Variants in SLC30A9 observed in about 807,000 individuals in gnomAD.
SLC30A9 encodes proton-coupled zinc antiporter SLC30A9, mitochondrial.
SLC30A9 carries 58 observed loss-of-function variants against 87.5 expected under a neutral mutation model. That is an observed-to-expected ratio of 0.66 (90% CI 0.54 to 0.82). The LOEUF (loss-of-function observed/expected upper bound fraction) is 0.82, where lower values mean the gene tolerates loss of function less well. Among genes scored for constraint, SLC30A9 ranks in the 40% least tolerant of loss-of-function variants. The pLI is 0.00. For missense variants in SLC30A9, 557 were observed against 679.1 expected (o/e 0.82, Z 2.00); for synonymous variants, 234 against 233.0 (o/e 1.00, Z -0.04).
intron 17 of SLC30A9, among the ~76,000 whole-genome samples, chr4:42,085,496 T>C (rs7682975): frequency 2.0e-5 from 3 of 151,910 alleles, no homozygotes; most frequent in African/African-American, 7.2e-5. Context: ...ATACATGTGC[T>C]CATGTAACAC....
chr4:42,054,590 A>C (rs1717526202), intron 9 of SLC30A9, among the ~76,000 whole-genome samples: 1 of 151,100 alleles, frequency 6.6e-6, no homozygotes, highest in Non-Finnish European at 1.5e-5. Flanking sequence ...TCCCAGGTTC[A>C]CACCATTCTC....
At chr4:42,058,346 T>C (rs1196245418) in intron 9 of SLC30A9, among the ~76,000 whole-genome samples, 1 of 152,196 alleles carries the variant, frequency 6.6e-6, no homozygotes, top group Non-Finnish European at 1.5e-5. Context: ...CAGCCTGGAC[T>C]TTATTGTCCG....
At chr4:42,001,332 G>C (rs1714974737) in intron 1 of SLC30A9, among the ~76,000 whole-genome samples, 1 of 151,904 alleles carries the variant, frequency 6.6e-6, no homozygotes, top group African/African-American at 2.4e-5. Flanking sequence ...CATTTTTTTA[G>C]CTTGCAACCA....
chr4:41,993,154 T>C (rs1714527984), intron 1 of SLC30A9, among the ~76,000 whole-genome samples: 1 of 150,710 alleles, frequency 6.6e-6, no homozygotes, highest in South Asian at 2.1e-4. Flanking sequence ...TAGAATTAAT[T>C]TTAATAACGA....
chr4:42,081,906 C>T (rs576155009), intron 17 of SLC30A9, among the ~76,000 whole-genome samples: 68 of 152,170 alleles, frequency 4.5e-4, no homozygotes, highest in African/African-American at 1.5e-3. Flanking sequence ...CAGGTGGAAA[C>T]GTCTTTGGCT....
chr4:42,045,618 T>G (rs953705776), intron 8 of SLC30A9, among the ~76,000 whole-genome samples: 1 of 149,246 alleles, frequency 6.7e-6, no homozygotes, highest in Non-Finnish European at 1.5e-5. Context: ...ACTAGACGGA[T>G]TCACAGCCAA....
In SLC30A9 at chr4:42,049,502, T is replaced by A. The variant is rs535587260; in HGVS notation, c.840+23T>A. ...CAGGTGAGGACTAAAGCTTTTTTTA[T>A]AAGTCAATTTTAAAGTAATAGTTGT... On this transcript the variant is annotated intron_variant, in intron 9 of 17. Transcript: ENST00000264451. 4 of 1,289,996 alleles carry A rather than the reference T, an allele frequency of 3.1e-6. No individual in the cohort carries two copies. In the South Asian group the frequency reaches 5.7e-5, roughly 19 times the overall value. The allele number at this position is 1,289,996 out of a possible 1,614,324, so 79.9% of individuals were successfully genotyped here.
At chr4:42,021,284 G>C (rs537288624) in intron 4 of SLC30A9, among the ~76,000 whole-genome samples, 37 of 152,296 alleles carry the variant, frequency 2.4e-4, no homozygotes, top group African/African-American at 8.7e-4. Flanking sequence ...CATAATACAA[G>C]ATGTTAGTGA....
At chr4:41,993,286 ACT>A (rs1420132142) in intron 1 of SLC30A9, among the ~76,000 whole-genome samples, 3 of 152,110 alleles carry the variant, frequency 2.0e-5, no homozygotes, top group Non-Finnish European at 4.4e-5. Context: ...ATCTTTTTGT[ACT>A]GTCTTTAAAA....
At chr4:42,044,436 A>T (rs933549918) in intron 8 of SLC30A9, among the ~76,000 whole-genome samples, 6 of 151,940 alleles carry the variant, frequency 3.9e-5, no homozygotes, top group Admixed American at 6.6e-5. Flanking sequence ...CTGACAAAAA[A>T]GATTTTAAAC....
intron 3 of SLC30A9, among the ~76,000 whole-genome samples, chr4:42,019,637 A>G (rs1006155629): frequency 6.6e-6 from 1 of 152,208 alleles, no homozygotes; most frequent in Non-Finnish European, 1.5e-5. Flanking sequence ...CAACTAGTAT[A>G]CACATAGATT....
At chr4:42,049,125 C>A (rs1429188603) in intron 8 of SLC30A9, among the ~76,000 whole-genome samples, 1 of 152,038 alleles carries the variant, frequency 6.6e-6, no homozygotes, top group Admixed American at 6.6e-5. Context: ...CCACACCAGA[C>A]TAAGTTTTTA....
intron 1 of SLC30A9, among the ~76,000 whole-genome samples, chr4:41,995,492 A>G (rs1714658632): frequency 6.6e-6 from 1 of 152,156 alleles, no homozygotes; most frequent in Admixed American, 6.5e-5. Flanking sequence ...AGAAATAAAT[A>G]TATTTAAAGT....
intron 4 of SLC30A9, among the ~76,000 whole-genome samples, chr4:42,022,447 G>A (rs79158176): frequency 9.7e-4 from 146 of 151,142 alleles, no homozygotes; most frequent in African/African-American, 2.5e-3. Context: ...GACCAGGCTG[G>A]TCTCGAACTC....
intron 17 of SLC30A9, among the ~76,000 whole-genome samples, chr4:42,083,338 A>C (rs1718808037): frequency 6.6e-6 from 1 of 152,240 alleles, no homozygotes; most frequent in Non-Finnish European, 1.5e-5. Flanking sequence ...TGCAAGGAAT[A>C]TAGATTTTAA....
In SLC30A9 at chr4:42,075,564, GAA is replaced by G. The variant is rs952119805; in HGVS notation, c.1419-87_1419-86del. The G allele has an allele frequency of 3.3e-6, 4 of 1,201,780 alleles. No individual in the cohort carries two copies. In the African/African-American group the frequency reaches 6.2e-5, roughly 19 times the overall value. 74.4% of individuals were successfully genotyped at this position (1,201,780 alleles called of 1,614,324 possible). On this transcript the variant is annotated intron_variant, in intron 15 of 17. Transcript: ENST00000264451. Reference sequence around the variant, plus strand: ...TTAGTCCATTCTCGTAACTAGTGGGGAAAAAAACAATAATTCAAGCCTTTGTG... The same window carrying G: ...TTAGTCCATTCTCGTAACTAGTGGGGAAAAACAATAATTCAAGCCTTTGTG...
intron 6 of SLC30A9, chr4:42,029,481 C>G (rs1716331789): frequency 1.5e-6 from 1 of 661,894 alleles, no homozygotes; most frequent in Non-Finnish European, 2.8e-6. Flanking sequence ...CTGAAATTGC[C>G]TTTCATCCTA....
At chr4:42,017,171 T>G (rs1174722123) in intron 2 of SLC30A9, among the ~76,000 whole-genome samples, 1 of 152,222 alleles carries the variant, frequency 6.6e-6, no homozygotes, top group Non-Finnish European at 1.5e-5. Flanking sequence ...TCATTTGGAT[T>G]CTATTAATAA....
intron 10 of SLC30A9, among the ~76,000 whole-genome samples, chr4:42,061,285 T>G (rs1717846002): frequency 1.3e-5 from 2 of 152,256 alleles, no homozygotes; most frequent in African/African-American, 4.8e-5. Context: ...ACTGAAGAAC[T>G]AGATTTTAAA....
Sources: allele counts gnomAD v4.1 joint callset (sites outside exome capture counted in the v4.1 genomes callset), GRCh38; gene constraint gnomAD v4.1.1; transcripts MANE v1.5; gene names NCBI Gene and HGNC (gene_info 2026-07-23, HGNC 2026-07-21).